Variants in AUTS2 observed in about 807,000 individuals in gnomAD.
The protein encoded by AUTS2 is activator of transcription and developmental regulator AUTS2.
A neutral mutation model predicts 112.4 loss-of-function variants in AUTS2; 17 were observed. The ratio of observed to expected loss-of-function variants is 0.15; its 90% CI spans 0.10 to 0.23. AUTS2 has a LOEUF of 0.23. Among genes scored for constraint, AUTS2 ranks in the 10% least tolerant of loss-of-function variants. The pLI is 1.00. For synonymous variants in AUTS2, 751 were observed against 702.7 expected, an observed-to-expected ratio of 1.07 and a Z score of -1.09; for missense variants, 1,510 against 1,701.6, an observed-to-expected ratio of 0.89 and a Z score of 1.98.
chr7:69,712,266 A>G (rs964322628), intron 1 of AUTS2, among the ~76,000 whole-genome samples: 3 of 152,184 alleles, frequency 2.0e-5, no homozygotes, highest in Non-Finnish European at 2.9e-5. Flanking sequence ...GATATTTAGT[A>G]TACAATGTGT....
At chr7:70,217,007 T>C (rs1181073693) in intron 4 of AUTS2, among the ~76,000 whole-genome samples, 1 of 152,194 alleles carries the variant, frequency 6.6e-6, no homozygotes, top group Non-Finnish European at 1.5e-5. Context: ...CCTCCCAGGT[T>C]CAAGCAATTT....
chr7:70,371,281 C>G (rs140704565), intron 4 of AUTS2, among the ~76,000 whole-genome samples: 2 of 152,178 alleles, frequency 1.3e-5, no homozygotes, highest in Non-Finnish European at 2.9e-5. Context: ...TTAAAATCTC[C>G]TCACATGATT....
intron 5 of AUTS2, among the ~76,000 whole-genome samples, chr7:70,590,358 G>A (rs1023274254): frequency 2.0e-5 from 3 of 152,058 alleles, no homozygotes; most frequent in African/African-American, 7.2e-5. Context: ...GTGACGGAGT[G>A]GGCCTCAGAA....
chr7:70,234,824 T>C (rs547145018), intron 4 of AUTS2, among the ~76,000 whole-genome samples: 1 of 152,264 alleles, frequency 6.6e-6, no homozygotes, highest in South Asian at 2.1e-4. Flanking sequence ...ACACCTGGAA[T>C]ATTGATCTTC....
intron 3 of AUTS2, among the ~76,000 whole-genome samples, chr7:70,132,164 T>TAAAAA (rs200482728): frequency 9.7e-6 from 1 of 102,592 alleles, no homozygotes; most frequent in Non-Finnish European, 2.0e-5. Flanking sequence ...TCTTTTCCCT[T>TAAAAA]AAAAAAAAAA....
chr7:69,899,518 C>T lies in AUTS2; in HGVS notation c.522+20C>T, dbSNP rs779253295. 1 of 1,612,458 alleles carries T rather than the reference C, an allele frequency of 6.2e-7. No individual in the cohort carries two copies. The highest frequency in any genetic ancestry group is 2.2e-5 in the East Asian group (1 of 44,860). On this transcript the variant is annotated intron_variant, in intron 2 of 18. Coordinates refer to ENST00000342771, the MANE Select transcript of AUTS2 (RefSeq NM_015570.4). ...AGACAGGTGAGGAAGCTTGGGTTCG[C>T]TCTTTCCTGTGGCGGCAAAATCCCT...
At chr7:70,477,487 TC>T (rs1210546032) in intron 5 of AUTS2, among the ~76,000 whole-genome samples, 3 of 152,120 alleles carry the variant, frequency 2.0e-5, no homozygotes, top group Non-Finnish European at 4.4e-5. Flanking sequence ...AAGGTTAAAC[TC>T]CCTAGAAGCT....
chr7:70,267,837 T>G (rs898290281), intron 4 of AUTS2, among the ~76,000 whole-genome samples: 4 of 152,146 alleles, frequency 2.6e-5, no homozygotes, highest in Non-Finnish European at 4.4e-5. Flanking sequence ...TAACCCAGCA[T>G]TTACAGTTGA....
intron 2 of AUTS2, among the ~76,000 whole-genome samples, chr7:69,944,785 A>G (rs946366469): frequency 1.4e-4 from 21 of 152,316 alleles, no homozygotes; most frequent in African/African-American, 5.1e-4. Flanking sequence ...ACCCTTACGT[A>G]TCAGATTTCA....
At chr7:70,351,786 C>A (rs1489656732) in intron 4 of AUTS2, among the ~76,000 whole-genome samples, 1 of 151,770 alleles carries the variant, frequency 6.6e-6, no homozygotes, top group Non-Finnish European at 1.5e-5. Context: ...ACTGCAAACT[C>A]CGCCTCCCAG....
chr7:69,899,513 G>T lies in AUTS2; in HGVS notation c.522+15G>T. The T allele has an allele frequency of 4.3e-6, 7 of 1,613,288 alleles. No homozygotes were observed. The highest frequency in any genetic ancestry group is 5.9e-6 in the Non-Finnish European group (7 of 1,179,464). Reference sequence around the variant, plus strand: ...CACTCAGACAGGTGAGGAAGCTTGGGTTCGCTCTTTCCTGTGGCGGCAAAA... The same window carrying T: ...CACTCAGACAGGTGAGGAAGCTTGGTTTCGCTCTTTCCTGTGGCGGCAAAA... On this transcript the variant is annotated intron_variant, in intron 2 of 18. Transcript: ENST00000342771.
chr7:70,717,358 A>G (rs929624668), intron 6 of AUTS2, among the ~76,000 whole-genome samples: 3 of 151,796 alleles, frequency 2.0e-5, no homozygotes, highest in South Asian at 2.1e-4. Context: ...CTTTTTAAAT[A>G]TTTTTGTAGA....
At chr7:70,669,758 C>T (rs536215986) in intron 5 of AUTS2, among the ~76,000 whole-genome samples, 8 of 152,168 alleles carry the variant, frequency 5.3e-5, no homozygotes, top group Non-Finnish European at 8.8e-5. Flanking sequence ...ATTTTCTGTG[C>T]GTTTCTTATT....
intron 4 of AUTS2, among the ~76,000 whole-genome samples, chr7:70,271,437 C>T (rs1364991389): frequency 1.3e-5 from 2 of 152,008 alleles, no homozygotes; most frequent in African/African-American, 4.8e-5. Context: ...ATCCTCTCTT[C>T]GTCTCTTGCG....
At chr7:70,736,609 C>G (rs2129553426) in intron 6 of AUTS2, among the ~76,000 whole-genome samples, 1 of 152,212 alleles carries the variant, frequency 6.6e-6, no homozygotes, top group East Asian at 1.9e-4. Context: ...GTTGAATGTT[C>G]ATCCATCCAA....
At chr7:70,121,959 C>T (rs1805704856) in intron 3 of AUTS2, among the ~76,000 whole-genome samples, 1 of 152,080 alleles carries the variant, frequency 6.6e-6, no homozygotes, top group Non-Finnish European at 1.5e-5. Flanking sequence ...AATTGATAAA[C>T]AAAATGTGAC....
intron 2 of AUTS2, among the ~76,000 whole-genome samples, chr7:69,977,813 C>A (rs868040601): frequency 6.6e-6 from 1 of 152,072 alleles, no homozygotes; most frequent in Admixed American, 6.6e-5. Context: ...TATATCATAT[C>A]GGATATATGA....
At chr7:69,703,656 C>T (rs548740602) in intron 1 of AUTS2, among the ~76,000 whole-genome samples, 7 of 151,930 alleles carry the variant, frequency 4.6e-5, no homozygotes, top group South Asian at 2.1e-4. Flanking sequence ...GGTGGAAGTA[C>T]GAATATTAAT....
chr7:70,774,272 C>T (rs935352476), intron 12 of AUTS2, 173 bp downstream of exon 12: 1 of 628,842 alleles, frequency 1.6e-6, no homozygotes, highest in African/African-American at 1.8e-5. Context: ...ACAGTCTCTC[C>T]TGCTCACTGC....
Sources: allele counts gnomAD v4.1 joint callset (sites outside exome capture counted in the v4.1 genomes callset), GRCh38; gene constraint gnomAD v4.1.1; transcripts MANE v1.5; gene names NCBI Gene and HGNC (gene_info 2026-07-23, HGNC 2026-07-21).